The following MAPK4 variants were observed in gnomAD, a reference collection of about 807,000 sequenced individuals.
The protein encoded by MAPK4 is mitogen-activated protein kinase 4.
In MAPK4, 22 loss-of-function variants were observed where a neutral mutation model predicts 47.7. The ratio of observed to expected loss-of-function variants is 0.46; its 90% confidence interval spans 0.33 to 0.66. The LOEUF (loss-of-function observed/expected upper bound fraction) is 0.66, where lower values mean the gene tolerates loss of function less well. Ranked by LOEUF, MAPK4 falls within the 30% of genes least tolerant of loss-of-function variation. The probability of loss-of-function intolerance (pLI) is 0.02; values close to 1 mark genes in which losing one functional copy is unlikely to be tolerated. For missense variants in MAPK4, 736 were observed against 831.7 expected, an observed-to-expected ratio of 0.88 and a Z score of 1.42; for synonymous variants, 390 against 365.7, an observed-to-expected ratio of 1.07 and a Z score of -0.76.
chr18:50,729,876 C>T lies in MAPK4; in HGVS notation c.*22C>T. ...GTGAGGGCGGAGGGGCCGCTCCAGGCCCCACAGAGCAGGAGACCCCCAGAG... is the reference window on the plus strand; with the variant it reads ...GTGAGGGCGGAGGGGCCGCTCCAGGTCCCACAGAGCAGGAGACCCCCAGAG... On this transcript the variant is annotated 3_prime_UTR_variant, in exon 6 of 6. Coordinates refer to ENST00000400384, the MANE Select transcript of MAPK4 (RefSeq NM_002747.4). The T allele has an allele frequency of 6.4e-7, 1 of 1,559,322 alleles. No homozygotes were observed. The highest frequency in any genetic ancestry group is 8.7e-7 in the Non-Finnish European group (1 of 1,149,170).
At chr18:50,660,363 G>A (rs899892175) in intron 1 of MAPK4, among the ~76,000 whole-genome samples, 1 of 152,146 alleles carries the variant, frequency 6.6e-6, no homozygotes, top group African/African-American at 2.4e-5. Context: ...AATGGTTAGG[G>A]CTTGTTGTGA....
At chr18:50,711,229 C>A (rs1158322072) in intron 2 of MAPK4, among the ~76,000 whole-genome samples, 1 of 152,258 alleles carries the variant, frequency 6.6e-6, no homozygotes, top group African/African-American at 2.4e-5. Flanking sequence ...TCCCAAACAC[C>A]TCTGAAGCTT....
intron 1 of MAPK4, among the ~76,000 whole-genome samples, chr18:50,601,333 CAAAAAAAAA>C (rs35148592): frequency 9.4e-5 from 5 of 53,194 alleles, no homozygotes; most frequent in African/African-American, 1.8e-4. Flanking sequence ...GACTCTATGT[CAAAAAAAAA>C]AAAAAAAAAA....
intron 1 of MAPK4, among the ~76,000 whole-genome samples, chr18:50,622,363 C>G (rs2042739697): frequency 6.6e-6 from 1 of 152,202 alleles, no homozygotes; most frequent in African/African-American, 2.4e-5. Context: ...TGTTAGCTTC[C>G]TCTGATGTGT....
chr18:50,594,929 T>G (rs745549829), intron 1 of MAPK4, among the ~76,000 whole-genome samples: 8 of 152,200 alleles, frequency 5.3e-5, no homozygotes, highest in Admixed American at 2.6e-4. Flanking sequence ...TGAAAAGACA[T>G]TTGATCTACA....
At chr18:50,716,316 C>T (rs1052554977) in intron 3 of MAPK4, among the ~76,000 whole-genome samples, 2 of 152,172 alleles carry the variant, frequency 1.3e-5, no homozygotes, top group African/African-American at 4.8e-5. Flanking sequence ...ACTGTCACCT[C>T]CTTCTTGAAA....
intron 4 of MAPK4, among the ~76,000 whole-genome samples, chr18:50,722,825 G>A (rs528477885): frequency 6.6e-6 from 1 of 152,290 alleles, no homozygotes; most frequent in East Asian, 1.9e-4. Flanking sequence ...GCAGGGTTGA[G>A]GGGCTCAGTG....
intron 1 of MAPK4, among the ~76,000 whole-genome samples, chr18:50,621,537 A>G (rs2042731947): frequency 6.6e-6 from 1 of 152,284 alleles, no homozygotes; most frequent in South Asian, 2.1e-4. Flanking sequence ...ATCCGCCAAG[A>G]AGCCATCCAT....
intron 1 of MAPK4, among the ~76,000 whole-genome samples, chr18:50,608,662 G>A (rs915486874): frequency 2.6e-5 from 4 of 151,704 alleles, no homozygotes; most frequent in Admixed American, 6.6e-5. Context: ...TTTGCATGCT[G>A]TATTATGTTT....
At chr18:50,709,942 CT>C (rs1393236258) in intron 2 of MAPK4, among the ~76,000 whole-genome samples, 2 of 152,004 alleles carry the variant, frequency 1.3e-5, no homozygotes, top group Non-Finnish European at 2.9e-5. Context: ...AAGGGATGAT[CT>C]GAATCATTTT....
intron 1 of MAPK4, among the ~76,000 whole-genome samples, chr18:50,614,973 G>A (rs191410962): frequency 3.5e-3 from 533 of 152,286 alleles, no homozygotes; most frequent in Admixed American, 5.6e-3. Context: ...TGTACTCTGC[G>A]TCTGTCTCTG....
chr18:50,703,600 G>C (rs905194982), intron 2 of MAPK4, among the ~76,000 whole-genome samples: 1 of 152,146 alleles, frequency 6.6e-6, no homozygotes, highest in Non-Finnish European at 1.5e-5. Context: ...TCCTCTCCCA[G>C]GTATCGAGTT....
At chr18:50,673,620 C>T (rs572721205) in intron 2 of MAPK4, among the ~76,000 whole-genome samples, 7 of 152,112 alleles carry the variant, frequency 4.6e-5, no homozygotes, top group African/African-American at 1.2e-4. Flanking sequence ...TTTGGGAGGC[C>T]GAGGCAGGCG....
intron 2 of MAPK4, among the ~76,000 whole-genome samples, chr18:50,684,212 T>A (rs1908740868): frequency 6.6e-6 from 1 of 152,202 alleles, no homozygotes; most frequent in African/African-American, 2.4e-5. Context: ...AGCCCCTTTT[T>A]TGCTTAAACT....
At position 50,731,279 on chromosome 18, in the gene MAPK4, T is replaced by TG. The variant is rs1335583546; in HGVS notation, c.*1429dup. On this transcript the variant is annotated 3_prime_UTR_variant, in exon 6 of 6. Transcript: ENST00000400384. ...TAGACACAGGCCCTCTGCAGAAGCGTGGGGTGGGGACACTGACAGCCCCTA... is the reference window on the plus strand; with the variant it reads ...TAGACACAGGCCCTCTGCAGAAGCGTGGGGGTGGGGACACTGACAGCCCCTA... 2.0e-5 allele frequency: 3 copies of TG among 152,090 alleles called. No individual in the cohort carries two copies. Among genetic ancestry groups the TG allele is most frequent in the Non-Finnish European group, 4.4e-5 (3 of 68,036 alleles). The allele number at this position is 152,090 out of a possible 1,614,324, so 9.4% of individuals were successfully genotyped here. A position where few individuals can be genotyped will look rare whatever the true frequency, so the allele number is the denominator to read the frequency against.
chr18:50,636,143 G>A (rs777416924), intron 1 of MAPK4, among the ~76,000 whole-genome samples: 78 of 152,108 alleles, frequency 5.1e-4, no homozygotes, highest in Non-Finnish European at 9.0e-4. Context: ...GTTAATTTCT[G>A]CTTATTCTTC....
chr18:50,645,933 G>T (rs1313812426), intron 1 of MAPK4, among the ~76,000 whole-genome samples: 2 of 152,208 alleles, frequency 1.3e-5, no homozygotes, highest in Admixed American at 6.5e-5. Flanking sequence ...ATTGTTTCCT[G>T]TTATTACTGT....
intron 1 of MAPK4, among the ~76,000 whole-genome samples, chr18:50,602,240 A>G (rs1295996329): frequency 2.0e-5 from 3 of 152,218 alleles, no homozygotes; most frequent in Non-Finnish European, 4.4e-5. Flanking sequence ...GTATAAAGAC[A>G]ACTGTTTAAC....
intron 1 of MAPK4, among the ~76,000 whole-genome samples, chr18:50,568,952 GTAATTTTTA>G (rs2042226540): frequency 6.6e-6 from 1 of 152,096 alleles, no homozygotes; most frequent in Admixed American, 6.6e-5. Context: ...GTTCTTTATT[GTAATTTTTA>G]TGTTGAGCTT....
Sources: allele counts gnomAD v4.1 joint callset (sites outside exome capture counted in the v4.1 genomes callset), GRCh38; gene constraint gnomAD v4.1.1; transcripts MANE v1.5; gene names NCBI Gene and HGNC (gene_info 2026-07-23, HGNC 2026-07-21).